Variants in TRPM3 observed in about 807,000 individuals in gnomAD.
TRPM3 encodes the protein transient receptor potential cation channel subfamily M member 3, also known as long transient receptor potential channel 3.
TRPM3 carries 77 observed loss-of-function variants against 181.2 expected under a neutral mutation model. That is an observed-to-expected ratio of 0.42 (90% CI 0.35 to 0.51). TRPM3 has a LOEUF of 0.51. Among genes scored for constraint, TRPM3 ranks in the 20% least tolerant of loss-of-function variants. The probability of loss-of-function intolerance (pLI) is 0.01; values close to 1 mark genes in which losing one functional copy is unlikely to be tolerated. For missense variants in TRPM3, 1,759 were observed against 2,196.7 expected (o/e 0.80, Z 3.98); for synonymous variants, 745 against 796.4 (o/e 0.94, Z 1.09).
chr9:70,681,574 G>A lies in TRPM3; in HGVS notation c.1277C>T (p.Thr426Met), dbSNP rs766391304. The change falls in exon 9 of 26, where the codon ACG (threonine) becomes ATG (methionine). Residue 426 changes from threonine (T) to methionine (M), a missense_variant. Physicochemically the swap from Thr to Met is moderately conservative, Grantham distance 81. Around this residue, in one of 8 missense-constraint regions of TRPM3, gnomAD observed 737 missense variants for 957.4 expected, o/e 0.77. Coordinates refer to ENST00000677713, the MANE Select transcript of TRPM3 (RefSeq NM_001366145.2). ...MECMKKKELI[T>M]VFRMGSEGHQ... ...TCCTTCTGATCCCATCCGAAATACC[G>A]TAATCTGCAATTTGAGACAAGGTGA... 2.5e-6 allele frequency: 4 copies of A among 1,613,386 alleles called. No homozygotes were observed. The highest frequency in any genetic ancestry group is 1.7e-5 in the Admixed American group (1 of 59,976).
intron 8 of TRPM3, among the ~76,000 whole-genome samples, chr9:70,759,723 A>T (rs553388144): frequency 7.9e-5 from 12 of 152,230 alleles, no homozygotes; most frequent in African/African-American, 2.9e-4. Context: ...CTCAGCAAAC[A>T]AACACAAGAA....
upstream of TRPM3, chr9:71,121,669 T>TG (rs752713899): frequency 3.2e-4 from 354 of 1,112,028 alleles, 1 homozygote; most frequent in Middle Eastern, 3.8e-4. Flanking sequence ...GGTCAGGCGT[T>TG]GGGGGGGAAC....
At chr9:70,970,104 C>T (rs2097226686) in intron 1 of TRPM3, among the ~76,000 whole-genome samples, 1 of 152,018 alleles carries the variant, frequency 6.6e-6, no homozygotes. Flanking sequence ...TACTGTATAA[C>T]TTGTATAAAT....
chr9:70,803,068 C>T (rs1410105022), intron 6 of TRPM3, among the ~76,000 whole-genome samples: 1 of 121,670 alleles, frequency 8.2e-6, no homozygotes, highest in South Asian at 3.1e-4. Flanking sequence ...AACAAAGGCC[C>T]AACTCCACCA....
At chr9:70,906,645 G>A (rs2096467880) in intron 1 of TRPM3, among the ~76,000 whole-genome samples, 2 of 152,216 alleles carry the variant, frequency 1.3e-5, no homozygotes, top group Admixed American at 1.3e-4. Flanking sequence ...GCTCATGCCT[G>A]TAATCCCAGC....
chr9:70,577,436 T>C (rs1252178287), intron 22 of TRPM3, among the ~76,000 whole-genome samples: 1 of 152,230 alleles, frequency 6.6e-6, no homozygotes, highest in Non-Finnish European at 1.5e-5. Context: ...CTGTTCTTCA[T>C]GTAGATCACT....
chr9:70,828,453 C>A (rs1433591455), intron 5 of TRPM3, among the ~76,000 whole-genome samples: 1 of 152,058 alleles, frequency 6.6e-6, no homozygotes, highest in Non-Finnish European at 1.5e-5. Flanking sequence ...TGGCGGGGAG[C>A]TAGGAGAAAT....
rs117274570 is a variant in TRPM3, at chr9:71,055,111, G to A, written c.177+66067C>T. On this transcript the variant is annotated intron_variant, in intron 1 of 25. Coordinates refer to ENST00000677713, the MANE Select transcript of TRPM3 (RefSeq NM_001366145.2). Reference sequence around the variant, plus strand: ...AAGTCATGTTAAGGTTAGAGCTTAGGTTGTATTTCGACCATTTGGGAGGCA... The same window carrying A: ...AAGTCATGTTAAGGTTAGAGCTTAGATTGTATTTCGACCATTTGGGAGGCA... Among the ~76,000 whole-genome samples, 751 of 152,184 alleles carry A rather than the reference G, an allele frequency of 4.9e-3. 18 individuals carry two copies. In the East Asian group the frequency reaches 0.078, roughly 16 times the overall value.
chr9:70,804,246 C>T (rs982057890), intron 6 of TRPM3, among the ~76,000 whole-genome samples: 1 of 152,124 alleles, frequency 6.6e-6, no homozygotes, highest in African/African-American at 2.4e-5. Flanking sequence ...AGGAGAATCC[C>T]TTGAACTCAG....
chr9:70,939,597 A>C (rs1446943666), intron 1 of TRPM3, among the ~76,000 whole-genome samples: 1 of 152,222 alleles, frequency 6.6e-6, no homozygotes, highest in Non-Finnish European at 1.5e-5. Context: ...TTGATTTTGC[A>C]AGTGAAAGAT....
chr9:71,005,970 T>C (rs933532317), intron 1 of TRPM3, among the ~76,000 whole-genome samples: 4 of 152,132 alleles, frequency 2.6e-5, no homozygotes, highest in African/African-American at 7.2e-5. Flanking sequence ...AGTACACCAA[T>C]TGGTTAGAAG....
intron 1 of TRPM3, among the ~76,000 whole-genome samples, chr9:71,407,307 G>C (rs932644724): frequency 6.6e-6 from 1 of 152,136 alleles, no homozygotes; most frequent in Admixed American, 6.5e-5. Context: ...AGGGGTTGGG[G>C]AATTCCCTTA....
chr9:71,115,657 T>C (rs2134281223), intron 1 of TRPM3, among the ~76,000 whole-genome samples: 1 of 152,216 alleles, frequency 6.6e-6, no homozygotes, highest in Non-Finnish European at 1.5e-5. Context: ...GAGACAGACC[T>C]TGCCAGGGAC....
intron 1 of TRPM3, among the ~76,000 whole-genome samples, chr9:71,441,630 C>CTTTT (rs559254034): frequency 8.7e-6 from 1 of 114,596 alleles, no homozygotes; most frequent in Non-Finnish European, 1.8e-5. Context: ...TTTGACTCGG[C>CTTTT]TTTTTTTTTT....
intron 1 of TRPM3, among the ~76,000 whole-genome samples, chr9:70,909,329 A>C (rs2133122115): frequency 6.6e-6 from 1 of 152,316 alleles, no homozygotes; most frequent in East Asian, 1.9e-4. Context: ...TTCTATGTTA[A>C]ATCAGCTGGC....
intron 1 of TRPM3, among the ~76,000 whole-genome samples, chr9:71,422,409 A>G (rs973947411): frequency 2.0e-5 from 3 of 152,004 alleles, no homozygotes; most frequent in African/African-American, 7.2e-5. Flanking sequence ...CCTTGGAGGG[A>G]CCTTTCCACA....
In TRPM3 at chr9:71,012,081, C is replaced by G. The variant is rs572757917; in HGVS notation, c.177+109097G>C. ...TACAGGCATGAGCCACTGCTGCTGG[C>G]CTATGTTTTCTTTTAGTACCTGTAT... On this transcript the variant is annotated intron_variant, in intron 1 of 25. Coordinates refer to ENST00000677713, the MANE Select transcript of TRPM3 (RefSeq NM_001366145.2). Among the ~76,000 whole-genome samples the G allele has an allele frequency of 3.3e-5, 5 of 152,164 alleles. No homozygotes were observed. In the South Asian group the frequency reaches 8.3e-4, roughly 25 times the overall value.
chr9:71,279,685 G>A (rs1281328211), intron 1 of TRPM3, among the ~76,000 whole-genome samples: 1 of 152,130 alleles, frequency 6.6e-6, no homozygotes, highest in Admixed American at 6.5e-5. Context: ...TCTAAGGAAG[G>A]AAGAGCCTGG....
intron 1 of TRPM3, among the ~76,000 whole-genome samples, chr9:70,972,472 G>T (rs965356264): frequency 6.6e-6 from 1 of 152,160 alleles, no homozygotes; most frequent in Non-Finnish European, 1.5e-5. Flanking sequence ...GGACTGGGAT[G>T]AGCGGAAATG....
Sources: allele counts gnomAD v4.1 joint callset (sites outside exome capture counted in the v4.1 genomes callset), GRCh38; gene constraint gnomAD v4.1.1; regional missense constraint gnomAD v4.1.1; transcripts MANE v1.5; gene names NCBI Gene and HGNC (gene_info 2026-07-23, HGNC 2026-07-21).